SNTG1: variants seen among roughly 807,000 people sequenced by gnomAD.
SNTG1 encodes the protein gamma-1-syntrophin.
SNTG1 carries 39 observed loss-of-function variants against 74.7 expected under a neutral mutation model. That is an observed-to-expected ratio of 0.52 (90% confidence interval 0.40 to 0.68). SNTG1 has a LOEUF of 0.68. Among genes scored for constraint, SNTG1 ranks in the 30% least tolerant of loss-of-function variants. SNTG1 has a pLI of 0.00. For synonymous variants in SNTG1, 254 were observed against 217.1 expected (o/e 1.17, Z -1.49); for missense variants, 685 against 609.5 (o/e 1.12, Z -1.30).
chr8:50,341,875 T>A (rs11988564), intron 2 of SNTG1, among the ~76,000 whole-genome samples: 9,926 of 152,124 alleles, frequency 0.065, 353 homozygotes, highest in African/African-American at 0.072. Flanking sequence ...TAAAGTTAAC[T>A]TTTTATTCAT....
chr8:50,233,834 T>A (rs1563776076), intron 2 of SNTG1, among the ~76,000 whole-genome samples: 1 of 151,790 alleles, frequency 6.6e-6, no homozygotes, highest in Non-Finnish European at 1.5e-5. Flanking sequence ...GAAATGAAAA[T>A]CATCCTAGCA....
intron 1 of SNTG1, among the ~76,000 whole-genome samples, chr8:50,060,911 A>G (rs1368756263): frequency 6.6e-6 from 1 of 152,146 alleles, no homozygotes; most frequent in Admixed American, 6.5e-5. Flanking sequence ...AATCCCACTT[A>G]GTCAGTGTAA....
At chr8:50,160,588 A>C (rs574163735) in intron 1 of SNTG1, among the ~76,000 whole-genome samples, 2 of 152,314 alleles carry the variant, frequency 1.3e-5, no homozygotes, top group African/African-American at 4.8e-5. Flanking sequence ...AATGTAAATA[A>C]AATAACATAG....
At chr8:50,050,036 C>T (rs1365272873) in intron 1 of SNTG1, among the ~76,000 whole-genome samples, 4 of 151,424 alleles carry the variant, frequency 2.6e-5, no homozygotes, top group Non-Finnish European at 5.9e-5. Flanking sequence ...TAATCTTTCA[C>T]CTTAGGAAAC....
At chr8:50,743,699 C>G (rs950042699) in intron 17 of SNTG1, among the ~76,000 whole-genome samples, 1 of 151,360 alleles carries the variant, frequency 6.6e-6, no homozygotes, top group African/African-American at 2.4e-5. Context: ...TATCTCTGCT[C>G]ACAGATGACA....
chr8:50,563,230 C>T lies in SNTG1; in HGVS notation c.810+10051C>T, dbSNP rs2094498050. ...TGCCTGTATCCTTGTATTTCCAGTACTTAACACAGCCCATATGGAGCAAAT... is the reference window on the plus strand; with the variant it reads ...TGCCTGTATCCTTGTATTTCCAGTATTTAACACAGCCCATATGGAGCAAAT... On this transcript the variant is annotated intron_variant, in intron 12 of 18. Transcript: ENST00000642720. Among the ~76,000 whole-genome samples the T allele has an allele frequency of 2.0e-5, 3 of 152,246 alleles. No homozygotes were observed. In the South Asian group the frequency reaches 6.2e-4, roughly 32 times the overall value.
intron 2 of SNTG1, among the ~76,000 whole-genome samples, chr8:50,290,742 G>T (rs1447722302): frequency 2.0e-5 from 3 of 151,792 alleles, no homozygotes; most frequent in African/African-American, 7.3e-5. Context: ...TAAATTTTTT[G>T]GGATTTATTT....
At position 50,347,958 on chromosome 8, in the gene SNTG1, C is replaced by CCT. The variant is rs2091530973; in HGVS notation, c.-27-46254_-27-46253insCT. On this transcript the variant is annotated intron_variant, in intron 2 of 18. Coordinates refer to ENST00000642720, the MANE Select transcript of SNTG1 (RefSeq NM_018967.5). ...TGAAAATATATATGATATAATGTTACAGGATGTTTGCTTTCACTTCCCCAA... is the reference window on the plus strand; with the variant it reads ...TGAAAATATATATGATATAATGTTACCTAGGATGTTTGCTTTCACTTCCCCAA... Among the ~76,000 whole-genome samples the CCT allele has an allele frequency of 1.9e-4, 29 of 152,122 alleles. 2 individuals carry two copies. The highest frequency in any genetic ancestry group is 5.2e-4 in the Admixed American group (8 of 15,270).
chr8:50,403,823 C>A (rs2092835808), intron 4 of SNTG1, among the ~76,000 whole-genome samples: 2 of 152,158 alleles, frequency 1.3e-5, no homozygotes, highest in Admixed American at 1.3e-4. Context: ...CTTAATCTGA[C>A]AACTGTCATC....
At chr8:50,242,538 A>C (rs1160050927) in intron 2 of SNTG1, among the ~76,000 whole-genome samples, 71 of 119,820 alleles carry the variant, frequency 5.9e-4, no homozygotes, top group Non-Finnish European at 1.2e-3. Context: ...AAAAAAAAAA[A>C]AAAAAAACAC....
intron 18 of SNTG1, among the ~76,000 whole-genome samples, chr8:50,785,836 C>T (rs2095673288): frequency 6.6e-6 from 1 of 151,796 alleles, no homozygotes; most frequent in Non-Finnish European, 1.5e-5. Flanking sequence ...GGTATATATC[C>T]CTGGAATGTA....
At chr8:49,959,766 A>G (rs990782360) in intron 1 of SNTG1, among the ~76,000 whole-genome samples, 1 of 152,224 alleles carries the variant, frequency 6.6e-6, no homozygotes, top group South Asian at 2.1e-4. Flanking sequence ...AGCTGTATCC[A>G]AGTTTTTGTG....
At chr8:50,255,135 T>A (rs1388878783) in intron 2 of SNTG1, among the ~76,000 whole-genome samples, 4 of 152,048 alleles carry the variant, frequency 2.6e-5, no homozygotes, top group Non-Finnish European at 5.9e-5. Context: ...GAGCTCATCT[T>A]AGAGAACTAT....
chr8:50,197,370 A>G (rs2083813944), intron 2 of SNTG1, among the ~76,000 whole-genome samples: 1 of 152,118 alleles, frequency 6.6e-6, no homozygotes. Flanking sequence ...TGCATAGTTT[A>G]TTGTGCTCTA....
chr8:50,757,116 A>G (rs2095582473), intron 18 of SNTG1, among the ~76,000 whole-genome samples: 1 of 151,722 alleles, frequency 6.6e-6, no homozygotes, highest in South Asian at 2.1e-4. Context: ...AATTTTTATC[A>G]AGTTGAGGAT....
intron 1 of SNTG1, among the ~76,000 whole-genome samples, chr8:49,921,746 G>T (rs1001126619): frequency 1.3e-5 from 2 of 151,994 alleles, no homozygotes; most frequent in Admixed American, 1.3e-4. Flanking sequence ...CATACTACCT[G>T]GGAAGACATC....
At chr8:50,293,734 C>A in intron 2 of SNTG1, among the ~76,000 whole-genome samples, 1 of 151,924 alleles carries the variant, frequency 6.6e-6, no homozygotes, top group East Asian at 1.9e-4. Flanking sequence ...ACTTAATTAC[C>A]TCTTTAAAGA....
chr8:50,237,252 G>C (rs4242457), intron 2 of SNTG1, among the ~76,000 whole-genome samples: 135,895 of 152,088 alleles, frequency 0.89, 62,198 homozygotes, highest in East Asian at 1. Context: ...TTAACATGAT[G>C]CTCTACTCTC....
chr8:50,754,166 T>C (rs55807678), intron 18 of SNTG1, among the ~76,000 whole-genome samples: 2,041 of 152,104 alleles, frequency 0.013, 32 homozygotes, highest in African/African-American at 0.043. Context: ...TAGATGTTCT[T>C]GTGTGGACAT....
Sources: allele counts gnomAD v4.1 joint callset (sites outside exome capture counted in the v4.1 genomes callset), GRCh38; gene constraint gnomAD v4.1.1; transcripts MANE v1.5; gene names NCBI Gene and HGNC (gene_info 2026-07-23, HGNC 2026-07-21).